Variants in RORB observed in about 807,000 individuals in gnomAD.
RORB encodes the protein RAR related orphan receptor B, also known as nuclear receptor ROR-beta.
RORB carries 6 observed loss-of-function variants against 59.1 expected under a neutral mutation model. That is an observed-to-expected ratio of 0.10 (90% confidence interval 0.06 to 0.20). The LOEUF (loss-of-function observed/expected upper bound fraction) is 0.20, where lower values mean the gene tolerates loss of function less well. RORB is among the 10% of genes least tolerant of loss of function. The pLI, the probability that RORB is intolerant of heterozygous loss-of-function variation, is 1.00. For missense variants in RORB, 320 were observed against 560.5 expected, an observed-to-expected ratio of 0.57 and a Z score of 4.33; for synonymous variants, 215 against 204.5, an observed-to-expected ratio of 1.05 and a Z score of -0.44.
chr9:74,632,963 C>A (rs1206907947), intron 2 of RORB, among the ~76,000 whole-genome samples: 1 of 152,114 alleles, frequency 6.6e-6, no homozygotes, highest in Non-Finnish European at 1.5e-5. Flanking sequence ...ATAAGGAATG[C>A]ACTTGGATCT....
chr9:74,587,697 G>A (rs1308457936), intron 1 of RORB, among the ~76,000 whole-genome samples: 1 of 152,160 alleles, frequency 6.6e-6, no homozygotes, highest in Non-Finnish European at 1.5e-5. Flanking sequence ...TTATCCTCCA[G>A]TAGGCTAGCC....
chr9:74,535,323 C>A (rs2118113622), intron 1 of RORB, among the ~76,000 whole-genome samples: 2 of 152,028 alleles, frequency 1.3e-5, no homozygotes, highest in South Asian at 4.1e-4. Flanking sequence ...CTAAGCAGAT[C>A]TTTTTTCCCA....
Position 74,581,855 on chromosome 9 carries a change from A to G in RORB, c.8-48427A>G, listed in dbSNP as rs560128299. 1.5e-4 allele frequency among the ~76,000 whole-genome samples: 23 copies of G among 152,314 alleles called. No homozygotes were observed. The South Asian group carries it at 4.8e-3, about 32-fold the overall frequency. ...TTATATATTTTATGCCACAATTTCTATAGGGCTTCAGAAACTCAAAGGTGC... is the reference window on the plus strand; with the variant it reads ...TTATATATTTTATGCCACAATTTCTGTAGGGCTTCAGAAACTCAAAGGTGC... On this transcript the variant is annotated intron_variant, in intron 1 of 9. Transcript: ENST00000376896.
intron 1 of RORB, among the ~76,000 whole-genome samples, chr9:74,561,615 A>G (rs1822397831): frequency 6.6e-6 from 1 of 152,178 alleles, no homozygotes; most frequent in Non-Finnish European, 1.5e-5. Context: ...TTTTAGACTT[A>G]TAGGAAGGTG....
At chr9:74,611,396 T>C (rs1477713311) in intron 1 of RORB, among the ~76,000 whole-genome samples, 1 of 152,252 alleles carries the variant, frequency 6.6e-6, no homozygotes, top group African/African-American at 2.4e-5. Context: ...TCCTTGTTCC[T>C]ACACTTAGAA....
chr9:74,637,248 G>T (rs928477142), intron 3 of RORB, among the ~76,000 whole-genome samples: 10 of 152,116 alleles, frequency 6.6e-5, no homozygotes, highest in Non-Finnish European at 1.0e-4. Context: ...TGTCAATTAG[G>T]CTCCAAGAAT....
In RORB at chr9:74,648,007, T is replaced by G. The variant is rs570992782; in HGVS notation, c.637+5192T>G. ...GCAGAAATGGTGCAGAGAATAGAAC[T>G]TAACTCTTGCTATATATTTCCTGTG... On this transcript the variant is annotated intron_variant, in intron 4 of 9. Transcript: ENST00000376896. 1.6e-4 allele frequency among the ~76,000 whole-genome samples: 25 copies of G among 152,344 alleles called. No individual in the cohort carries two copies. In the South Asian group the frequency reaches 4.6e-3, roughly 28 times the overall value.
chr9:74,620,940 C>A (rs1410644904), intron 1 of RORB, among the ~76,000 whole-genome samples: 1 of 152,146 alleles, frequency 6.6e-6, no homozygotes, highest in Non-Finnish European at 1.5e-5. Flanking sequence ...AAAAGAAGCA[C>A]CTCTGTGCAA....
intron 1 of RORB, among the ~76,000 whole-genome samples, chr9:74,547,680 T>C (rs1826522242): frequency 6.6e-6 from 1 of 152,100 alleles, no homozygotes. Flanking sequence ...GACCACCCAA[T>C]ATGTTAAAAG....
At chr9:74,588,759 T>C (rs983224975) in intron 1 of RORB, among the ~76,000 whole-genome samples, 6 of 152,240 alleles carry the variant, frequency 3.9e-5, no homozygotes, top group African/African-American at 1.4e-4. Flanking sequence ...GAATCTTGTT[T>C]AGTCAGCTAA....
intron 1 of RORB, among the ~76,000 whole-genome samples, chr9:74,515,185 A>G (rs1264895536): frequency 1.3e-5 from 2 of 151,410 alleles, no homozygotes; most frequent in Non-Finnish European, 2.9e-5. Flanking sequence ...CTTACGTGTC[A>G]TGTTTGCATC....
intron 1 of RORB, among the ~76,000 whole-genome samples, chr9:74,562,457 A>ATTTG (rs1366694690): frequency 6.6e-6 from 1 of 152,136 alleles, no homozygotes; most frequent in Non-Finnish European, 1.5e-5. Context: ...ATACATTTTC[A>ATTTG]TTTGTTTGGG....
At chr9:74,515,835 A>G (rs1001190121) in intron 1 of RORB, among the ~76,000 whole-genome samples, 3 of 152,118 alleles carry the variant, frequency 2.0e-5, no homozygotes, top group African/African-American at 4.8e-5. Context: ...GAACTCTGTG[A>G]GAAGTCACTT....
At chr9:74,594,532 A>G (rs921395181) in intron 1 of RORB, among the ~76,000 whole-genome samples, 1 of 152,238 alleles carries the variant, frequency 6.6e-6, no homozygotes, top group Non-Finnish European at 1.5e-5. Context: ...TACTTAATAC[A>G]ATTTTTATAT....
At chr9:74,595,353 T>G (rs1205475841) in intron 1 of RORB, among the ~76,000 whole-genome samples, 1 of 152,174 alleles carries the variant, frequency 6.6e-6, no homozygotes, top group Non-Finnish European at 1.5e-5. Flanking sequence ...AACAAAGCAG[T>G]CTTACTTTAT....
chr9:74,513,525 G>C (rs1031015173), intron 1 of RORB, among the ~76,000 whole-genome samples: 2 of 151,850 alleles, frequency 1.3e-5, no homozygotes, highest in African/African-American at 2.4e-5. Flanking sequence ...CAATCTAGAA[G>C]GAATTTTAAC....
chr9:74,652,540 T>C (rs192943424), intron 4 of RORB, among the ~76,000 whole-genome samples: 168 of 152,336 alleles, frequency 1.1e-3, no homozygotes, highest in African/African-American at 3.8e-3. Context: ...TAATTTTTTT[T>C]CCATTTCATA....
Position 74,677,173 on chromosome 9 carries a change from G to A in RORB, c.1224+5272G>A, listed in dbSNP as rs189034915. ...AGAGAGAGTAGATTGATCTAACTCCGGATGATCAAGTGTAAAAAGTCCAGC... is the reference window on the plus strand; with the variant it reads ...AGAGAGAGTAGATTGATCTAACTCCAGATGATCAAGTGTAAAAAGTCCAGC... On this transcript the variant is annotated intron_variant, in intron 9 of 9. Transcript: ENST00000376896. 9.0e-4 allele frequency among the ~76,000 whole-genome samples: 137 copies of A among 152,206 alleles called. 1 individual carries two copies. In the South Asian group the frequency reaches 9.7e-3, roughly 11 times the overall value.
intron 1 of RORB, among the ~76,000 whole-genome samples, chr9:74,553,125 T>C (rs927742983): frequency 1.2e-4 from 18 of 152,022 alleles, no homozygotes; most frequent in Admixed American, 5.2e-4. Flanking sequence ...GGAGAAGCTG[T>C]TGGAGGATCT....
Sources: gnomAD v4.1 joint callset for allele counts (sites outside exome capture counted in the v4.1 genomes callset) on GRCh38, gnomAD v4.1.1 for gene constraint, MANE v1.5 for transcripts, NCBI Gene and HGNC (gene_info 2026-07-23, HGNC 2026-07-21) for gene names.